The following PPP2R5A variants were observed in gnomAD, a reference collection of about 807,000 sequenced individuals.
The protein encoded by PPP2R5A is protein phosphatase 2 regulatory subunit B'alpha.
PPP2R5A carries 25 observed loss-of-function variants against 64.2 expected under a neutral mutation model. The observed-to-expected ratio is 0.39, with a 90% CI of 0.28 to 0.54. PPP2R5A has a LOEUF of 0.54. PPP2R5A is among the 20% of genes least tolerant of loss of function. The probability of loss-of-function intolerance (pLI) is 0.67; values close to 1 mark genes in which losing one functional copy is unlikely to be tolerated. For missense variants in PPP2R5A, 425 were observed against 576.3 expected (o/e 0.74, Z 2.69); for synonymous variants, 198 against 201.2 (o/e 0.98, Z 0.13).
intron 3 of PPP2R5A, among the ~76,000 whole-genome samples, chr1:212,341,809 G>A (rs535054395): frequency 6.6e-6 from 1 of 151,976 alleles, no homozygotes. Context: ...GCACAGTCAC[G>A]GCTAACTGCA....
At chr1:212,348,329 C>T in intron 6 of PPP2R5A, 60 bp from the exon 7 acceptor site, 2 of 1,068,208 alleles carry the variant, frequency 1.9e-6, no homozygotes, top group East Asian at 2.4e-5. Flanking sequence ...ATGGATATGA[C>T]AGCTTTTAGA....
intron 3 of PPP2R5A, among the ~76,000 whole-genome samples, chr1:212,341,277 T>C (rs542664622): frequency 6.6e-6 from 1 of 152,210 alleles, no homozygotes; most frequent in Non-Finnish European, 1.5e-5. Flanking sequence ...TTTGCTGTGG[T>C]TGGTACACAG....
At chr1:212,287,156 C>G (rs911440696) in intron 1 of PPP2R5A, among the ~76,000 whole-genome samples, 5 of 152,134 alleles carry the variant, frequency 3.3e-5, no homozygotes, top group African/African-American at 1.2e-4. Context: ...ACTTTTCCCA[C>G]TAGGTTTAGA....
intron 1 of PPP2R5A, among the ~76,000 whole-genome samples, chr1:212,327,709 G>C (rs1027523412): frequency 6.6e-6 from 1 of 151,490 alleles, no homozygotes; most frequent in African/African-American, 2.4e-5. Context: ...CCACCACACC[G>C]GCCCATTTTT....
intron 1 of PPP2R5A, among the ~76,000 whole-genome samples, chr1:212,324,672 T>C (rs987683037): frequency 1.3e-5 from 2 of 151,918 alleles, no homozygotes; most frequent in Non-Finnish European, 2.9e-5. Flanking sequence ...TGGCACAATC[T>C]GGGCTCACTG....
chr1:212,348,529 A>G (rs1659822525), intron 7 of PPP2R5A, 32 bp downstream of exon 7: 5 of 1,386,540 alleles, frequency 3.6e-6, no homozygotes, highest in African/African-American at 1.4e-5. Flanking sequence ...GATGAAATGA[A>G]TATTATTTCA....
intron 1 of PPP2R5A, among the ~76,000 whole-genome samples, chr1:212,326,427 C>T (rs1266563543): frequency 6.6e-6 from 1 of 151,618 alleles, no homozygotes; most frequent in Non-Finnish European, 1.5e-5. Context: ...AACTTCATCT[C>T]TATTAAAAAA....
intron 1 of PPP2R5A, among the ~76,000 whole-genome samples, chr1:212,290,063 G>A (rs1658573039): frequency 6.6e-6 from 1 of 152,168 alleles, no homozygotes; most frequent in African/African-American, 2.4e-5. Context: ...GCTGAAACTG[G>A]CTTTGAGATT....
Position 212,286,171 on chromosome 1 carries a change from G to A in PPP2R5A, c.61G>A (p.Val21Met). The A allele has an allele frequency of 6.3e-7, 1 of 1,592,236 alleles. No individual in the cohort carries two copies. Among genetic ancestry groups the A allele is most frequent in the South Asian group, 1.1e-5 (1 of 88,406 alleles). Residue 21 changes from valine to methionine, a missense_variant, in exon 1 of 13, where the codon GTG becomes ATG. Physicochemically the swap from Val to Met is conservative, Grantham distance 21. Around this residue, in one of 4 missense-constraint regions of PPP2R5A, gnomAD observed 104 missense variants for 95.7 expected, o/e 1.09. Coordinates refer to ENST00000261461, the MANE Select transcript of PPP2R5A (RefSeq NM_006243.4). ...ASAAISASEK[V>M]DGFTRKSVRK... ...CGCCGCCATCTCGGCCTCGGAGAAA[G>A]TGGACGGCTTCACCCGGAAATCGGT...
intron 1 of PPP2R5A, among the ~76,000 whole-genome samples, chr1:212,286,711 T>C (rs950783740): frequency 9.9e-5 from 15 of 152,166 alleles, no homozygotes; most frequent in African/African-American, 3.1e-4. Context: ...TCGGCCACTT[T>C]TAGCTAGTCC....
chr1:212,340,062 G>A (rs1335095168), intron 3 of PPP2R5A, among the ~76,000 whole-genome samples: 1 of 149,642 alleles, frequency 6.7e-6, no homozygotes, highest in Non-Finnish European at 1.5e-5. Context: ...AGGATGCTGA[G>A]GCGGGTGCAT....
At position 212,329,265 on chromosome 1, in the gene PPP2R5A, G is replaced by A; in HGVS notation, c.312G>A (p.Leu104=). ...KEIKRATLNE[L]VEYVSTNRGV... is the part of the protein sequence containing the mutation. ...TTAAAAGAGCAACACTGAATGAACT[G>A]GTTGAGTATGTTTCAACTAATCGTG... Residue 104 remains leucine, a synonymous_variant, in exon 2 of 13, where the codon CTG becomes CTA. Coordinates refer to ENST00000261461, the MANE Select transcript of PPP2R5A (RefSeq NM_006243.4). The A allele has an allele frequency of 1.2e-6, 2 of 1,611,888 alleles. No homozygotes were observed. Among genetic ancestry groups the A allele is most frequent in the Non-Finnish European group, 1.7e-6 (2 of 1,179,396 alleles).
intron 1 of PPP2R5A, among the ~76,000 whole-genome samples, chr1:212,314,465 C>T (rs988799013): frequency 2.0e-5 from 3 of 151,938 alleles, no homozygotes; most frequent in Admixed American, 6.6e-5. Flanking sequence ...TGCATGATCA[C>T]AGCTTATTGC....
chr1:212,294,961 C>T (rs404987), intron 1 of PPP2R5A, among the ~76,000 whole-genome samples: 7,567 of 152,084 alleles, frequency 0.05, 331 homozygotes, highest in African/African-American at 0.12. Context: ...GGTAATTGAG[C>T]ATAGCATATT....
chr1:212,285,526 G>C lies in PPP2R5A; in HGVS notation c.-585G>C, dbSNP rs1163974975. ...CGGGCCGCCCAGCGCGGCAAGGAGCGAGTGTGTGCACGCAGAGGGCCGGGG... is the reference window on the plus strand; with the variant it reads ...CGGGCCGCCCAGCGCGGCAAGGAGCCAGTGTGTGCACGCAGAGGGCCGGGG... On this transcript the variant is annotated 5_prime_UTR_variant, in exon 1 of 13. Transcript: ENST00000261461. The C allele has an allele frequency of 6.6e-6, 1 of 152,370 alleles. No homozygotes were observed. The highest frequency in any genetic ancestry group is 2.4e-5 in the African/African-American group (1 of 41,464). The allele number at this position is 152,370 out of a possible 1,614,324, so 9.4% of individuals were successfully genotyped here. A position where few individuals can be genotyped will look rare whatever the true frequency, so the allele number is the denominator to read the frequency against.
At chr1:212,302,140 A>G in intron 1 of PPP2R5A, 1 of 1,453,204 alleles carries the variant, frequency 6.9e-7, no homozygotes, top group Non-Finnish European at 9.3e-7. Context: ...TGAAATCTTG[A>G]GGAGAGAAAT....
rs374480593 is a variant in PPP2R5A at position 212,303,122 on chromosome 1, C to T, written c.181+16831C>T. ...GGGTATATGTAGGAGTGGAACTGCT[C>T]GGTCATAAGGTAATTCTGGGCTTAG... On this transcript the variant is annotated intron_variant, in intron 1 of 12. Transcript: ENST00000261461. Among the ~76,000 whole-genome samples the T allele has an allele frequency of 9.9e-5, 15 of 152,200 alleles. No homozygotes were observed. In the East Asian group the frequency reaches 1.5e-3, roughly 16 times the overall value.
At position 212,342,238 on chromosome 1, in the gene PPP2R5A, T is replaced by C; in HGVS notation, c.531T>C (p.Pro177=). Residue 177 remains proline, a synonymous_variant, in exon 4 of 13, where the codon CCT becomes CCC. Transcript: ENST00000261461. ...TTTTGGAGAGCCCTGATTTCCAGCC[T>C]AGCATTGCAAAACGATACATTGATC... is the stretch of plus-strand genomic sequence containing the variant. The part of the protein sequence containing the change: ...LRFLESPDFQ[P]SIAKRYIDQK... 1 of 1,613,728 alleles carries C rather than the reference T, an allele frequency of 6.2e-7. No individual in the cohort carries two copies.
intron 1 of PPP2R5A, among the ~76,000 whole-genome samples, chr1:212,305,479 A>G (rs1658881789): frequency 6.6e-6 from 1 of 151,922 alleles, no homozygotes; most frequent in Admixed American, 6.6e-5. Flanking sequence ...TGTGTGCTTG[A>G]GAATATATAT....
Sources: allele counts gnomAD v4.1 joint callset (sites outside exome capture counted in the v4.1 genomes callset), GRCh38; gene constraint gnomAD v4.1.1; regional missense constraint gnomAD v4.1.1; transcripts MANE v1.5; gene names NCBI Gene and HGNC (gene_info 2026-07-23, HGNC 2026-07-21).